Variants in PAPPA2 observed in about 807,000 individuals in gnomAD.
PAPPA2 encodes the protein pappalysin-2.
A neutral mutation model predicts 176.4 loss-of-function variants in PAPPA2; 86 were observed. That is an observed-to-expected ratio of 0.49 (90% CI 0.41 to 0.58). The LOEUF is 0.58. Ranked by LOEUF, PAPPA2 falls within the 20% of genes least tolerant of loss-of-function variation. The pLI is 0.00. For missense variants in PAPPA2, 2,073 were observed against 2,256.9 expected (o/e 0.92, Z 1.65); for synonymous variants, 809 against 852.2 (o/e 0.95, Z 0.88).
intron 2 of PAPPA2, among the ~76,000 whole-genome samples, chr1:176,593,231 G>A (rs564304911): frequency 1.2e-4 from 18 of 152,312 alleles, no homozygotes; most frequent in East Asian, 3.9e-4. Context: ...CTTGCCTGCC[G>A]TCAGAATAGG....
At position 176,699,494 on chromosome 1, in the gene PAPPA2, C is replaced by G; in HGVS notation, c.3141C>G (p.Gly1047=). ...AGCCCCACAGTCCCTTGTGCTCTGGCTGCAGGCCTGTGAGGTACCAGGTTC... is the reference window on the plus strand; with the variant it reads ...AGCCCCACAGTCCCTTGTGCTCTGGGTGCAGGCCTGTGAGGTACCAGGTTC... ...TSQPHSPLCS[G]CRPVRYQVLR... Residue 1047 remains glycine, a synonymous_variant, in exon 8 of 23, where the codon GGC becomes GGG. Coordinates refer to ENST00000367662, the MANE Select transcript of PAPPA2 (RefSeq NM_020318.3). The G allele has an allele frequency of 6.2e-7, 1 of 1,614,128 alleles. No individual in the cohort carries two copies. The highest frequency in any genetic ancestry group is 8.5e-7 in the Non-Finnish European group (1 of 1,180,016).
Position 176,680,250 on chromosome 1 carries a change from G to A in PAPPA2, c.2137+9135G>A, listed in dbSNP as rs146575087. Among the ~76,000 whole-genome samples, 138 of 152,290 alleles carry A rather than the reference G, an allele frequency of 9.1e-4. 3 individuals carry two copies. The East Asian group carries it at 0.024, about 26-fold the overall frequency. ...CTAAATCTTCAGTAACATTATGGAA[G>A]TTTGGAGGAGGAGTTGGTTGGAGAT... On this transcript the variant is annotated intron_variant, in intron 4 of 22. Transcript: ENST00000367662.
At chr1:176,593,302 T>C (rs994483106) in intron 2 of PAPPA2, among the ~76,000 whole-genome samples, 1 of 152,184 alleles carries the variant, frequency 6.6e-6, no homozygotes, top group Non-Finnish European at 1.5e-5. Context: ...CTGGATTGTA[T>C]AGGAGGTCAG....
At chr1:176,752,292 T>C (rs1663214385) in intron 14 of PAPPA2, among the ~76,000 whole-genome samples, 1 of 125,058 alleles carries the variant, frequency 8.0e-6, no homozygotes, top group Non-Finnish European at 1.6e-5. Flanking sequence ...TGTATACATA[T>C]GTAACTAACC....
intron 7 of PAPPA2, 81 bp from the exon 8 acceptor site, chr1:176,699,019 T>G: frequency 4.1e-6 from 6 of 1,477,072 alleles, no homozygotes; most frequent in Non-Finnish European, 5.5e-6. Flanking sequence ...CCATAGTTCC[T>G]CTTTCTGGCT....
intron 2 of PAPPA2, among the ~76,000 whole-genome samples, chr1:176,562,288 A>T (rs1311854816): frequency 6.6e-6 from 1 of 152,176 alleles, no homozygotes. Context: ...TCTCCCAATA[A>T]GGGAGGTTTG....
chr1:176,641,665 G>A (rs927801494), intron 3 of PAPPA2, among the ~76,000 whole-genome samples: 2 of 151,632 alleles, frequency 1.3e-5, no homozygotes, highest in African/African-American at 4.8e-5. Context: ...TAGTATAGGA[G>A]GTCTCAGGAT....
chr1:176,778,547 G>A (rs1664563382), intron 17 of PAPPA2, among the ~76,000 whole-genome samples: 1 of 152,132 alleles, frequency 6.6e-6, no homozygotes, highest in African/African-American at 2.4e-5. Context: ...AACTGAAAAT[G>A]TGCAGCTAAG....
chr1:176,795,620 T>C (rs1665394768), intron 20 of PAPPA2, among the ~76,000 whole-genome samples: 1 of 152,236 alleles, frequency 6.6e-6, no homozygotes, highest in African/African-American at 2.4e-5. Context: ...TGAGTTTTTC[T>C]AAATAGCATT....
At chr1:176,840,735 G>A (rs763016675) in intron 22 of PAPPA2, among the ~76,000 whole-genome samples, 31 of 152,110 alleles carry the variant, frequency 2.0e-4, no homozygotes, top group Non-Finnish European at 4.0e-4. Context: ...GGATTGTCTC[G>A]TGAGCAATTA....
intron 1 of PAPPA2, among the ~76,000 whole-genome samples, chr1:176,495,846 C>T (rs575659170): frequency 1.5e-4 from 23 of 151,468 alleles, no homozygotes; most frequent in Admixed American, 1.3e-3. Context: ...TAGCTCACTG[C>T]AGCCTCAAAC....
chr1:176,778,837 C>T (rs1020855266), intron 17 of PAPPA2, among the ~76,000 whole-genome samples: 2 of 152,092 alleles, frequency 1.3e-5, no homozygotes, highest in Non-Finnish European at 2.9e-5. Context: ...TAGTAAATAC[C>T]TTCAAAATTT....
At position 176,739,877 on chromosome 1, in the gene PAPPA2, G is replaced by A. The variant is rs539524844; in HGVS notation, c.3935-103G>A. The stretch of plus-strand genomic sequence containing the variant: ...GATCTTGCCTACATCATACATCTAG[G>A]TTTTGGCATCATACACCTATTAAGA... On this transcript the variant is annotated intron_variant, in intron 13 of 22. Coordinates refer to ENST00000367662, the MANE Select transcript of PAPPA2 (RefSeq NM_020318.3). 4.0e-5 allele frequency: 63 copies of A among 1,566,242 alleles called. No homozygotes were observed. In the South Asian group the frequency reaches 6.5e-4, roughly 16 times the overall value.
intron 1 of PAPPA2, among the ~76,000 whole-genome samples, chr1:176,492,158 G>T (rs1647324831): frequency 6.6e-6 from 1 of 152,156 alleles, no homozygotes; most frequent in South Asian, 2.1e-4. Context: ...TGCTCACAGA[G>T]CATGGGTGCA....
chr1:176,671,516 A>C (rs1440061406), intron 4 of PAPPA2, among the ~76,000 whole-genome samples: 2 of 151,988 alleles, frequency 1.3e-5, no homozygotes, highest in African/African-American at 4.8e-5. Context: ...TATGGTGTGG[A>C]CTCCTGAGAA....
rs1033865190 is a variant in PAPPA2, at chr1:176,555,998, C to A, written c.-325C>A. On this transcript the variant is annotated 5_prime_UTR_variant, in exon 2 of 23. Coordinates refer to ENST00000367662, the MANE Select transcript of PAPPA2 (RefSeq NM_020318.3). ...GGAAAAAAAAAGAAAGAAATCTGAG[C>A]TTTCTGGGAGGAAATTCAAAGGAAC... 2 of 270,528 alleles carry A rather than the reference C, an allele frequency of 7.4e-6. No homozygotes were observed. Among genetic ancestry groups the A allele is most frequent in the Non-Finnish European group, 1.4e-5 (2 of 143,682 alleles). 16.8% of individuals were successfully genotyped at this position (270,528 alleles called of 1,614,324 possible).
intron 4 of PAPPA2, among the ~76,000 whole-genome samples, chr1:176,689,201 A>G (rs1448169097): frequency 6.6e-6 from 1 of 152,176 alleles, no homozygotes; most frequent in African/African-American, 2.4e-5. Context: ...AGGTGGTTCA[A>G]CCATGGGAGA....
intron 1 of PAPPA2, among the ~76,000 whole-genome samples, chr1:176,516,363 TC>T (rs1261896397): frequency 6.7e-6 from 1 of 150,324 alleles, no homozygotes; most frequent in East Asian, 2.0e-4. Flanking sequence ...TCCTCCCCAC[TC>T]CCCCATCCCC....
intron 8 of PAPPA2, among the ~76,000 whole-genome samples, chr1:176,700,865 C>G (rs967853763): frequency 5.3e-5 from 8 of 152,138 alleles, no homozygotes; most frequent in Non-Finnish European, 1.0e-4. Flanking sequence ...AAATGTCCAC[C>G]TTGAGCTTCA....
Sources: gnomAD v4.1 joint callset for allele counts (sites outside exome capture counted in the v4.1 genomes callset) on GRCh38, gnomAD v4.1.1 for gene constraint, MANE v1.5 for transcripts, NCBI Gene and HGNC (gene_info 2026-07-23, HGNC 2026-07-21) for gene names.